Variants in PUDP observed in about 807,000 individuals in gnomAD.
PUDP encodes pseudouridine-5'-phosphatase.
A neutral mutation model predicts 9.4 loss-of-function variants in PUDP; 8 were observed. The ratio of observed to expected loss-of-function variants is 0.85; its 90% CI spans 0.50 to 1.53. The LOEUF is 1.53. Ranked by LOEUF, PUDP falls within the 40% of genes most tolerant of loss-of-function variation. PUDP has a pLI of 0.00. For synonymous variants in PUDP, 99 were observed against 80.7 expected, an observed-to-expected ratio of 1.23 and a Z score of -1.22; for missense variants, 188 against 189.7, an observed-to-expected ratio of 0.99 and a Z score of 0.05.
At chrX:6,941,087 T>A (rs1928391210) in intron 3 of PUDP, among the ~76,000 whole-genome samples, 1 of 111,487 alleles carries the variant, frequency 9.0e-6, no homozygotes, top group African/African-American at 3.3e-5. Flanking sequence ...ATAGATGTTA[T>A]AATGCTACAA....
At chrX:6,802,891 A>AATAACATAAC (rs200788546) in intron 3 of PUDP, among the ~76,000 whole-genome samples, 638 of 16,583 alleles carry the variant, frequency 0.038, 15 homozygotes, top group Non-Finnish European at 0.072. Flanking sequence ...TTGTCTCAAA[A>AATAACATAAC]ATAACATAAC....
At chrX:7,145,136 G>A (rs1398393459) in intron 1 of PUDP, among the ~76,000 whole-genome samples, 4 of 112,041 alleles carry the variant, frequency 3.6e-5, no homozygotes, top group Non-Finnish European at 7.5e-5. Flanking sequence ...AGATTTTGAG[G>A]ACCTAGTATC....
At chrX:6,738,935 G>A (rs930804232) in intron 3 of PUDP, among the ~76,000 whole-genome samples, 2 of 111,613 alleles carry the variant, frequency 1.8e-5, no homozygotes, top group South Asian at 3.7e-4. Flanking sequence ...CAAATTGAAG[G>A]TCGCATGGGA....
intron 3 of PUDP, among the ~76,000 whole-genome samples, chrX:6,861,786 G>C (rs1004695939): frequency 3.6e-5 from 4 of 111,157 alleles, no homozygotes; most frequent in African/African-American, 1.3e-4. Context: ...ATAAGTAGGG[G>C]CTTAGTCACT....
chrX:6,925,789 C>A (rs1928092120), intron 3 of PUDP, among the ~76,000 whole-genome samples: 1 of 111,607 alleles, frequency 9.0e-6, no homozygotes, highest in Non-Finnish European at 1.9e-5. Context: ...CTTTAATTTG[C>A]AGCTGGGTAA....
At chrX:6,876,711 A>G (rs1927263583) in intron 3 of PUDP, among the ~76,000 whole-genome samples, 1 of 108,122 alleles carries the variant, frequency 9.2e-6, no homozygotes, top group South Asian at 4.3e-4. Flanking sequence ...GTCTATACAT[A>G]TATGTCTATA....
chrX:6,911,750 T>C (rs1263110613), intron 3 of PUDP, among the ~76,000 whole-genome samples: 1 of 112,282 alleles, frequency 8.9e-6, no homozygotes, highest in East Asian at 2.8e-4. Flanking sequence ...GCTTTGTCTT[T>C]TTATTTTTAG....
At chrX:7,119,339 T>C (rs1932277962) in intron 1 of PUDP, among the ~76,000 whole-genome samples, 1 of 112,663 alleles carries the variant, frequency 8.9e-6, no homozygotes. Context: ...ATATACAGGA[T>C]AGAAACTTCC....
At position 6,823,533 on chromosome X, in the gene PUDP, C is replaced by T. The variant is rs753619906; in HGVS notation, c.*248-117067G>A. Among the ~76,000 whole-genome samples the T allele has an allele frequency of 3.5e-5, 4 of 112,717 alleles. No homozygotes were observed. In the South Asian group the frequency reaches 1.1e-3, roughly 31 times the overall value. ...ACTAGCCAGTCCTCTTTCTTTCTTG[C>T]TCCCATTGTTACTGGAAAGGGGTCC... On this transcript the variant is annotated intron_variant and NMD_transcript_variant, in intron 3 of 3. Coordinates refer to the PUDP transcript ENST00000655425.
chrX:6,768,657 A>T (rs1425923435), intron 3 of PUDP, among the ~76,000 whole-genome samples: 1 of 112,334 alleles, frequency 8.9e-6, no homozygotes, highest in Non-Finnish European at 1.9e-5. Flanking sequence ...AGTCTTTTAA[A>T]AATTGTAAGA....
chrX:7,037,111 G>A (rs1256796629), intron 1 of PUDP, among the ~76,000 whole-genome samples: 1 of 111,088 alleles, frequency 9.0e-6, no homozygotes, highest in African/African-American at 3.3e-5. Flanking sequence ...TCATCTTTTT[G>A]GACTAGAATT....
chrX:6,718,162 T>C (rs981660810), intron 1 of PUDP, among the ~76,000 whole-genome samples: 2 of 111,962 alleles, frequency 1.8e-5, no homozygotes, highest in African/African-American at 3.3e-5. Context: ...GTCACCCTGT[T>C]GATTTTATGG....
intron 1 of PUDP, among the ~76,000 whole-genome samples, chrX:7,037,227 G>A (rs747053096): frequency 1.0e-3 from 115 of 111,651 alleles, no homozygotes; most frequent in African/African-American, 3.3e-3. Flanking sequence ...CTTGGCCTGT[G>A]GGTTATCTGG....
chrX:6,772,444 A>T (rs756766977), intron 3 of PUDP, among the ~76,000 whole-genome samples: 1 of 110,811 alleles, frequency 9.0e-6, no homozygotes, highest in Admixed American at 9.7e-5. Context: ...GAGACACAGA[A>T]CAGAGAAAAT....
intron 1 of PUDP, among the ~76,000 whole-genome samples, chrX:6,995,090 T>G (rs1026194337): frequency 2.7e-5 from 3 of 111,463 alleles, no homozygotes; most frequent in Non-Finnish European, 5.6e-5. Context: ...AATCTCAGTT[T>G]CAAAGAGGCA....
chrX:6,858,775 G>A (rs1432662513), intron 3 of PUDP, among the ~76,000 whole-genome samples: 2 of 112,127 alleles, frequency 1.8e-5, no homozygotes, highest in Non-Finnish European at 3.8e-5. Flanking sequence ...CCAACAGTGT[G>A]GCTGGTGCCC....
At chrX:6,780,203 C>T (rs1429410498) in intron 3 of PUDP, among the ~76,000 whole-genome samples, 1 of 108,671 alleles carries the variant, frequency 9.2e-6, no homozygotes. Flanking sequence ...TCTTGATCAG[C>T]GTCACATATG....
At chrX:7,030,088 A>G (rs1384787564) in intron 1 of PUDP, among the ~76,000 whole-genome samples, 2 of 91,183 alleles carry the variant, frequency 2.2e-5, no homozygotes, top group African/African-American at 4.2e-5. Context: ...TTTAAAAATC[A>G]TTATGTCAGT....
chrX:6,951,821 T>C (rs767643743), intron 3 of PUDP, among the ~76,000 whole-genome samples: 1 of 112,318 alleles, frequency 8.9e-6, no homozygotes, highest in South Asian at 3.7e-4. Flanking sequence ...AGAATATCTA[T>C]TCATTAGATC....
Sources: allele counts gnomAD v4.1 joint callset (sites outside exome capture counted in the v4.1 genomes callset), GRCh38; gene constraint gnomAD v4.1.1; transcripts MANE v1.5; gene names NCBI Gene and HGNC (gene_info 2026-07-23, HGNC 2026-07-21).